UGT1A8: variants seen among roughly 807,000 people sequenced by gnomAD.
The protein encoded by UGT1A8 is UDP glucuronosyltransferase family 1 member A8, also known as UDP-glucuronosyltransferase 1A8.
In UGT1A8, 39 loss-of-function variants were observed where a neutral mutation model predicts 45.3. The ratio of observed to expected loss-of-function variants is 0.86; its 90% CI spans 0.67 to 1.12. The LOEUF (loss-of-function observed/expected upper bound fraction) is 1.12, where lower values mean the gene tolerates loss of function less well. Among genes scored for constraint, UGT1A8 ranks in the 50% most tolerant of loss-of-function variants. The probability of loss-of-function intolerance (pLI) is 0.00; values close to 1 mark genes in which losing one functional copy is unlikely to be tolerated. For synonymous variants in UGT1A8, 275 were observed against 249.2 expected, an observed-to-expected ratio of 1.10 and a Z score of -0.97; for missense variants, 719 against 664.9, an observed-to-expected ratio of 1.08 and a Z score of -0.90.
intron 1 of UGT1A8, chr2:233,754,863 C>G (rs533816242): frequency 1.9e-5 from 25 of 1,351,158 alleles, no homozygotes; most frequent in Admixed American, 3.8e-5. Flanking sequence ...GGGTGCAGAC[C>G]CTCTGCTTCT....
Position 233,753,486 on chromosome 2 carries a change from C to T in UGT1A8, c.856-13548C>T, listed in dbSNP as rs1410623213. The T allele has an allele frequency of 2.0e-5, 3 of 152,196 alleles. No homozygotes were observed. The East Asian group carries it at 5.8e-4, about 29-fold the overall frequency. 9.4% of individuals were successfully genotyped at this position (152,196 alleles called of 1,614,324 possible). On this transcript the variant is annotated intron_variant, in intron 1 of 4. Coordinates refer to ENST00000373450, the MANE Select transcript of UGT1A8 (RefSeq NM_019076.5). ...TGTAAAAAATTACCAGCATGCTGCT[C>T]TTAATTTTTTTCAGCCTGTCTAGTT... is the stretch of plus-strand genomic sequence containing the variant.
In UGT1A8 at chr2:233,629,926, T is replaced by A. The variant is rs72482116; in HGVS notation, c.855+11364T>A. ...CTTTTTTTTGGCATAAACTTGTTCA[T>A]GTTATTCTCTTAACATTTTAACATC... On this transcript the variant is annotated intron_variant, in intron 1 of 4. Transcript: ENST00000373450. Among the ~76,000 whole-genome samples the A allele has an allele frequency of 2.6e-5, 4 of 152,188 alleles. No individual in the cohort carries two copies. In the East Asian group the frequency reaches 7.7e-4, roughly 29 times the overall value.
intron 1 of UGT1A8, chr2:233,755,330 C>T (rs1695864854): frequency 6.5e-6 from 3 of 463,614 alleles, no homozygotes; most frequent in East Asian, 7.0e-5. Context: ...TGCCAGCACC[C>T]GCGCACAGGT....
intron 1 of UGT1A8, chr2:233,719,399 T>C (rs2076762082): frequency 1.2e-6 from 2 of 1,613,992 alleles, no homozygotes; most frequent in Non-Finnish European, 8.5e-7. Context: ...CTTCCTCCTA[T>C]ATTCCTAAGT....
In UGT1A8 at chr2:233,655,695, C is replaced by T. The variant is rs28969697; in HGVS notation, c.855+37133C>T. On this transcript the variant is annotated intron_variant, in intron 1 of 4. Coordinates refer to ENST00000373450, the MANE Select transcript of UGT1A8 (RefSeq NM_019076.5). ...TGTCCTGGTCTCCCTGAAGCAAGGA[C>T]GCCTCTCTGGCCTCAGGGTGCCTGT... 5.0e-3 allele frequency among the ~76,000 whole-genome samples: 764 copies of T among 152,284 alleles called. 6 individuals are homozygous for T. The highest frequency in any genetic ancestry group is 0.017 in the African/African-American group (713 of 41,568).
At chr2:233,670,276 G>C (rs866474608) in intron 1 of UGT1A8, among the ~76,000 whole-genome samples, 1 of 152,214 alleles carries the variant, frequency 6.6e-6, no homozygotes, top group African/African-American at 2.4e-5. Context: ...TGGTTTTGCT[G>C]TTTCAGGGGT....
At chr2:233,743,802 T>C (rs181906347) in intron 1 of UGT1A8, 13 of 1,367,286 alleles carry the variant, frequency 9.5e-6, no homozygotes, top group Non-Finnish European at 1.3e-5. Context: ...GCTTCCTCCT[T>C]GTTCTCAGGG....
intron 1 of UGT1A8, among the ~76,000 whole-genome samples, chr2:233,737,264 C>T (rs890532000): frequency 3.3e-5 from 5 of 152,196 alleles, no homozygotes; most frequent in South Asian, 2.1e-4. Flanking sequence ...TCAGCAATGG[C>T]GGACACCCCT....
intron 1 of UGT1A8, among the ~76,000 whole-genome samples, chr2:233,618,935 T>A (rs1238269265): frequency 6.6e-6 from 1 of 152,114 alleles, no homozygotes; most frequent in African/African-American, 2.4e-5. Flanking sequence ...AAAAAAGTAT[T>A]TTAGGTGTAT....
At chr2:233,715,656 C>T (rs1272409868) in intron 1 of UGT1A8, among the ~76,000 whole-genome samples, 1 of 152,072 alleles carries the variant, frequency 6.6e-6, no homozygotes, top group Non-Finnish European at 1.5e-5. Context: ...CCTGTGGTCC[C>T]AGCTACTCGG....
chr2:233,672,820 A>T, intron 1 of UGT1A8: 1 of 1,579,740 alleles, frequency 6.3e-7, no homozygotes, highest in Non-Finnish European at 8.6e-7. Flanking sequence ...CACCTTAAGA[A>T]TACTTCACCT....
At position 233,719,685 on chromosome 2, in the gene UGT1A8, C is replaced by T. The variant is rs745851656; in HGVS notation, c.856-47349C>T. 4.3e-6 allele frequency: 7 copies of T among 1,613,938 alleles called. No homozygotes were observed. The South Asian group carries it at 6.6e-5, about 15-fold the overall frequency. Reference sequence around the variant, plus strand: ...CTGTGCCAACGGGAAGCCACTATCTCAGGTCTGTATTGGTGCCTTCATCCA... The same window carrying T: ...CTGTGCCAACGGGAAGCCACTATCTTAGGTCTGTATTGGTGCCTTCATCCA... On this transcript the variant is annotated intron_variant, in intron 1 of 4. Transcript: ENST00000373450.
At chr2:233,633,725 GTCTA>G (rs1219921361) in intron 1 of UGT1A8, among the ~76,000 whole-genome samples, 6 of 152,028 alleles carry the variant, frequency 3.9e-5, no homozygotes, top group African/African-American at 1.2e-4. Flanking sequence ...CTGGCTAGTG[GTCTA>G]TCTATTTTGT....
In UGT1A8 at chr2:233,719,944, A is replaced by G. The variant is rs28898612; in HGVS notation, c.856-47090A>G. Among the ~76,000 whole-genome samples, 584 of 152,290 alleles carry G rather than the reference A, an allele frequency of 3.8e-3. 2 individuals are homozygous for G. Among genetic ancestry groups the G allele is most frequent in the African/African-American group, 0.013 (558 of 41,550 alleles). ...ACTCACGGACAGTGTTTGTAAAGGC[A>G]CCATCTTCATGGTTGTGCATGTCCT... On this transcript the variant is annotated intron_variant, in intron 1 of 4. Coordinates refer to ENST00000373450, the MANE Select transcript of UGT1A8 (RefSeq NM_019076.5).
intron 1 of UGT1A8, among the ~76,000 whole-genome samples, chr2:233,709,949 C>T (rs2076099737): frequency 6.6e-6 from 1 of 152,156 alleles, no homozygotes; most frequent in Admixed American, 6.5e-5. Flanking sequence ...GTTTCTGTTG[C>T]TGGATAACAG....
At chr2:233,745,951 T>G (rs946594198) in intron 1 of UGT1A8, among the ~76,000 whole-genome samples, 1 of 151,238 alleles carries the variant, frequency 6.6e-6, no homozygotes, top group African/African-American at 2.4e-5. Context: ...GTTGGGCAAC[T>G]GGGGGACAGG....
chr2:233,715,167 C>G (rs767247099), intron 1 of UGT1A8, among the ~76,000 whole-genome samples: 1 of 152,042 alleles, frequency 6.6e-6, no homozygotes, highest in Non-Finnish European at 1.5e-5. Flanking sequence ...ATTACAGGCG[C>G]GAGCCACCAC....
At chr2:233,738,796 A>G (rs1559382708) in intron 1 of UGT1A8, among the ~76,000 whole-genome samples, 1 of 152,236 alleles carries the variant, frequency 6.6e-6, no homozygotes, top group Admixed American at 6.5e-5. Flanking sequence ...CAGATGCAGA[A>G]ATACTAGCTA....
intron 1 of UGT1A8, among the ~76,000 whole-genome samples, chr2:233,745,792 G>A (rs1203318312): frequency 6.6e-6 from 1 of 151,102 alleles, no homozygotes; most frequent in Non-Finnish European, 1.5e-5. Context: ...AGGGGGGCTG[G>A]GGTCTATCCC....
Sources: allele counts gnomAD v4.1 joint callset (sites outside exome capture counted in the v4.1 genomes callset), GRCh38; gene constraint gnomAD v4.1.1; transcripts MANE v1.5; gene names NCBI Gene and HGNC (gene_info 2026-07-23, HGNC 2026-07-21).